AP1B1: variants seen among roughly 807,000 people sequenced by gnomAD.
AP1B1 encodes AP-1 complex subunit beta-1.
AP1B1 carries 36 observed loss-of-function variants against 104.3 expected under a neutral mutation model. That is an observed-to-expected ratio of 0.35 (90% CI 0.26 to 0.46). The LOEUF (loss-of-function observed/expected upper bound fraction) is 0.46, where lower values mean the gene tolerates loss of function less well. Ranked by LOEUF, AP1B1 falls within the 20% of genes least tolerant of loss-of-function variation. The pLI is 1.00. For synonymous variants in AP1B1, 504 were observed against 517.5 expected (o/e 0.97, Z 0.35); for missense variants, 901 against 1,247.9 (o/e 0.72, Z 4.19).
intron 1 of AP1B1, among the ~76,000 whole-genome samples, chr22:29,371,479 C>T (rs569281869): frequency 1.4e-4 from 21 of 152,292 alleles, no homozygotes; most frequent in Non-Finnish European, 2.6e-4. Context: ...TGCCTGTAAT[C>T]CCAGCACTTT....
intron 17 of AP1B1, among the ~76,000 whole-genome samples, chr22:29,332,791 C>T (rs1336673338): frequency 1.3e-5 from 2 of 152,188 alleles, no homozygotes; most frequent in African/African-American, 4.8e-5. Flanking sequence ...CAGAGGGAGA[C>T]CATTTGGGGA....
intron 22 of AP1B1, chr22:29,329,338 A>G: frequency 8.5e-7 from 1 of 1,181,874 alleles, no homozygotes; most frequent in Non-Finnish European, 1.1e-6. Context: ...CTGCGTAGGA[A>G]GCAGGCACGG....
intron 3 of AP1B1, among the ~76,000 whole-genome samples, chr22:29,362,391 G>A (rs901993863): frequency 3.3e-5 from 5 of 151,666 alleles, no homozygotes; most frequent in African/African-American, 1.2e-4. Context: ...CTGTCACCTG[G>A]GCTGGACTGC....
rs1035803261 is a variant in AP1B1, at chr22:29,381,355, A to G, written c.-28+7069T>C. 3.3e-5 allele frequency among the ~76,000 whole-genome samples: 5 copies of G among 152,190 alleles called. No homozygotes were observed. The East Asian group carries it at 9.6e-4, about 29-fold the overall frequency. On this transcript the variant is annotated intron_variant, in intron 1 of 22. Coordinates refer to ENST00000357586, the MANE Select transcript of AP1B1 (RefSeq NM_001127.4). ...TCTCCCCCTATAAATTCCCTAATGTAAATGGGGGTAAGGATTTTGTCCATT... is the reference window on the plus strand; with the variant it reads ...TCTCCCCCTATAAATTCCCTAATGTGAATGGGGGTAAGGATTTTGTCCATT...
chr22:29,365,534 C>T (rs2062121700), intron 2 of AP1B1, among the ~76,000 whole-genome samples: 1 of 152,208 alleles, frequency 6.6e-6, no homozygotes, highest in East Asian at 1.9e-4. Context: ...GACTCCAATA[C>T]ACTCAGCACT....
At chr22:29,381,570 T>C (rs909727124) in intron 1 of AP1B1, among the ~76,000 whole-genome samples, 1 of 152,370 alleles carries the variant, frequency 6.6e-6, no homozygotes, top group South Asian at 2.1e-4. Flanking sequence ...TCTGCTCTGA[T>C]TGTCAAGCTA....
chr22:29,329,125 T>A, intron 22 of AP1B1: 1 of 1,345,564 alleles, frequency 7.4e-7, no homozygotes, highest in Non-Finnish European at 9.6e-7. Context: ...GTCAGCCCAG[T>A]CACCAGAGCC....
chr22:29,368,003 T>C (rs1399679511), intron 1 of AP1B1, among the ~76,000 whole-genome samples: 3 of 152,090 alleles, frequency 2.0e-5, no homozygotes, highest in African/African-American at 7.2e-5. Context: ...GAAGTACTAT[T>C]GTAGACAATA....
chr22:29,381,467 C>A (rs1194971927), intron 1 of AP1B1, among the ~76,000 whole-genome samples: 1 of 152,192 alleles, frequency 6.6e-6, no homozygotes, highest in Non-Finnish European at 1.5e-5. Flanking sequence ...GCTCAACTCT[C>A]TTCTTGGGCA....
At chr22:29,380,878 T>TAAAAGTAA (rs2062425943) in intron 1 of AP1B1, among the ~76,000 whole-genome samples, 1 of 152,156 alleles carries the variant, frequency 6.6e-6, no homozygotes, top group Non-Finnish European at 1.5e-5. Context: ...CGGTTCTCTG[T>TAAAAGTAA]CTTACTCATA....
intron 3 of AP1B1, among the ~76,000 whole-genome samples, chr22:29,360,813 A>T (rs1284619737): frequency 5.9e-5 from 9 of 152,214 alleles, no homozygotes. Context: ...AAATTTGGTT[A>T]GAGATCAATT....
chr22:29,335,385 C>T (rs1258673759), intron 16 of AP1B1, among the ~76,000 whole-genome samples: 3 of 152,148 alleles, frequency 2.0e-5, no homozygotes, highest in East Asian at 3.9e-4. Flanking sequence ...AGGCCAGAAA[C>T]CACAGAAACA....
Position 29,328,956 on chromosome 22 carries a change from G to C in AP1B1, c.2776-61C>G, listed in dbSNP as rs2061516329. ...CATCCCTGGGGTTCCTCTCAGGAAG[G>C]AAAGGGGTGGGGAAGAGAGCAGGAA... On this transcript the variant is annotated intron_variant, in intron 22 of 22. Coordinates refer to ENST00000357586, the MANE Select transcript of AP1B1 (RefSeq NM_001127.4). This position sits in a 1 kb window ranked among gnomAD's most constrained non-coding sequence, Gnocchi z 4.1. The C allele has an allele frequency of 6.4e-7, 1 of 1,570,810 alleles. No individual in the cohort carries two copies. Among genetic ancestry groups the C allele is most frequent in the Non-Finnish European group, 8.6e-7 (1 of 1,161,132 alleles).
chr22:29,377,554 T>C lies in AP1B1; in HGVS notation c.-27-10284A>G, dbSNP rs943128928. Among the ~76,000 whole-genome samples the C allele has an allele frequency of 2.6e-5, 4 of 152,228 alleles. No homozygotes were observed. In the South Asian group the frequency reaches 6.2e-4, roughly 24 times the overall value. ...GGAAAGGCGTGGTGGTTCACATCTA[T>C]AATCCCAGCACTTTGGGAGGCTGAG... is the stretch of plus-strand genomic sequence containing the variant. On this transcript the variant is annotated intron_variant, in intron 1 of 22. Transcript: ENST00000357586.
intron 1 of AP1B1, among the ~76,000 whole-genome samples, chr22:29,378,727 C>T (rs1421165671): frequency 4.0e-5 from 6 of 151,376 alleles, no homozygotes; most frequent in African/African-American, 1.2e-4. Context: ...GGCCTGGTGG[C>T]GGGTGCCTGT....
chr22:29,339,549 T>G (rs1230597868), intron 15 of AP1B1, among the ~76,000 whole-genome samples: 1 of 151,814 alleles, frequency 6.6e-6, no homozygotes, highest in Non-Finnish European at 1.5e-5. Flanking sequence ...TGGTGAGGAC[T>G]GGGCAAGAAT....
intron 7 of AP1B1, among the ~76,000 whole-genome samples, chr22:29,353,385 A>T (rs2147987327): frequency 6.6e-6 from 1 of 152,310 alleles, no homozygotes; most frequent in Non-Finnish European, 1.5e-5. Context: ...CTGCCCAGCC[A>T]CATCTCAGGA....
intron 22 of AP1B1, 173 bp from the exon 23 acceptor site, chr22:29,329,068 A>G (rs1171994575): frequency 1.9e-5 from 27 of 1,423,704 alleles, no homozygotes; most frequent in Middle Eastern, 2.6e-4. Flanking sequence ...CGGCTGTCGC[A>G]GCCAGCCGGG....
At chr22:29,341,464 G>A (rs2061713161) in intron 13 of AP1B1, 37 bp downstream of exon 13, 1 of 1,590,990 alleles carries the variant, frequency 6.3e-7, no homozygotes, top group African/African-American at 1.3e-5. Context: ...GGGAAGCAGA[G>A]TGTGAAGGCG....
Sources: gnomAD v4.1 joint callset for allele counts (sites outside exome capture counted in the v4.1 genomes callset) on GRCh38, gnomAD v4.1.1 for gene constraint, Gnocchi (gnomAD v3.1) non-coding constraint, MANE v1.5 for transcripts, NCBI Gene and HGNC (gene_info 2026-07-23, HGNC 2026-07-21) for gene names.